Variants in LOC128092252 observed in about 807,000 individuals in gnomAD.
At chr15:50,654,324 G>A in the LOC128092252 span, among the ~76,000 whole-genome samples, 1 of 151,244 alleles carries the variant, frequency 6.6e-6, no homozygotes, top group Non-Finnish European at 1.5e-5. Flanking sequence ...GTGTGCGCCT[G>A]TAATCCCAGC....
chr15:50,667,696 G>A, the LOC128092252 span, among the ~76,000 whole-genome samples: 2,217 of 152,122 alleles, frequency 0.015, 60 homozygotes, highest in African/African-American at 0.051. Flanking sequence ...AACAGAAGGA[G>A]ACTCCATCCC....
chr15:50,686,603 T>G, the LOC128092252 span: 1 of 1,583,726 alleles, frequency 6.3e-7, no homozygotes, highest in Non-Finnish European at 8.6e-7. Flanking sequence ...TGTAGCCATC[T>G]ATCGGGAAGC....
the LOC128092252 span, among the ~76,000 whole-genome samples, chr15:50,650,294 G>T: frequency 0.015 from 2,200 of 151,522 alleles, 58 homozygotes; most frequent in African/African-American, 0.051. Context: ...GCTCATAAAG[G>T]GCAGGGAACA....
At chr15:50,666,826 G>C in the LOC128092252 span, among the ~76,000 whole-genome samples, 7 of 152,088 alleles carry the variant, frequency 4.6e-5, no homozygotes, top group Admixed American at 6.6e-5. Context: ...AGGCGGTGGA[G>C]GTGGCAGCAC....
the LOC128092252 span, among the ~76,000 whole-genome samples, chr15:50,660,154 A>G: frequency 2.0e-5 from 3 of 152,230 alleles, no homozygotes; most frequent in Admixed American, 1.3e-4. Context: ...GTAATAAAAC[A>G]TATCTTTAAC....
chr15:50,680,737 C>CT, the LOC128092252 span, among the ~76,000 whole-genome samples: 1 of 152,006 alleles, frequency 6.6e-6, no homozygotes, highest in Non-Finnish European at 1.5e-5. Flanking sequence ...AAAACCTTAA[C>CT]TTTTTTAACT....
the LOC128092252 span, among the ~76,000 whole-genome samples, chr15:50,653,652 T>C: frequency 6.6e-6 from 1 of 151,986 alleles, no homozygotes; most frequent in African/African-American, 2.4e-5. Flanking sequence ...CAGAAAACAG[T>C]AGACACTGGG....
chr15:50,677,589 AT>A, the LOC128092252 span, among the ~76,000 whole-genome samples: 2 of 151,620 alleles, frequency 1.3e-5, no homozygotes, highest in African/African-American at 4.8e-5. Context: ...AAACACAAAA[AT>A]TAGCCGGGTG....
At chr15:50,669,307 T>C in the LOC128092252 span, among the ~76,000 whole-genome samples, 4 of 151,844 alleles carry the variant, frequency 2.6e-5, no homozygotes, top group South Asian at 8.3e-4. Context: ...TGGTGGTGTG[T>C]GCCTGTAATT....
the LOC128092252 span, among the ~76,000 whole-genome samples, chr15:50,651,170 C>G: frequency 1.3e-5 from 2 of 151,964 alleles, no homozygotes; most frequent in African/African-American, 2.4e-5. Flanking sequence ...CTGGGTGACA[C>G]AGAGAGACCC....
At chr15:50,662,639 A>G in the LOC128092252 span, among the ~76,000 whole-genome samples, 58 of 152,288 alleles carry the variant, frequency 3.8e-4, no homozygotes, top group African/African-American at 1.3e-3. Context: ...TAAGTTCCCA[A>G]TATCAGTGAA....
At chr15:50,686,584 T>C in the LOC128092252 span, 3 of 1,604,790 alleles carry the variant, frequency 1.9e-6, no homozygotes, top group Non-Finnish European at 2.6e-6. Context: ...CTCCTCCTCC[T>C]CCGCGGCCTG....
chr15:50,662,177 C>T, the LOC128092252 span, among the ~76,000 whole-genome samples: 3 of 152,136 alleles, frequency 2.0e-5, no homozygotes, highest in African/African-American at 7.2e-5. Context: ...CATGGTGAAA[C>T]CCCATCTCTA....
At chr15:50,664,751 G>C in the LOC128092252 span, among the ~76,000 whole-genome samples, 2 of 152,242 alleles carry the variant, frequency 1.3e-5, no homozygotes, top group South Asian at 4.1e-4. Context: ...GCTTGAGTCT[G>C]TGAGTTCAAG....
the LOC128092252 span, among the ~76,000 whole-genome samples, chr15:50,654,759 G>A: frequency 1.3e-5 from 2 of 150,842 alleles, no homozygotes; most frequent in African/African-American, 4.8e-5. Context: ...AGCACTTTGG[G>A]ATTACAGGCG....
At chr15:50,650,839 A>G in the LOC128092252 span, among the ~76,000 whole-genome samples, 1 of 152,254 alleles carries the variant, frequency 6.6e-6, no homozygotes, top group Admixed American at 6.5e-5. Context: ...AGTGGAATAC[A>G]ACAAATGCCA....
At chr15:50,673,296 T>C in the LOC128092252 span, among the ~76,000 whole-genome samples, 1 of 152,172 alleles carries the variant, frequency 6.6e-6, no homozygotes, top group Admixed American at 6.6e-5. Context: ...CATAGGTTAT[T>C]GGAAACAGGT....
chr15:50,662,953 A>T, the LOC128092252 span: 1 of 1,596,282 alleles, frequency 6.3e-7, no homozygotes, highest in Non-Finnish European at 8.6e-7. Context: ...CAGAAGTAAC[A>T]AAGGTGTGCT....
At chr15:50,649,894 T>C in the LOC128092252 span, among the ~76,000 whole-genome samples, 3 of 151,884 alleles carry the variant, frequency 2.0e-5, no homozygotes, top group African/African-American at 4.8e-5. Flanking sequence ...TCCTTAAGCA[T>C]GTGGAAGAAT....
Sources: gnomAD v4.1 joint callset for allele counts (sites outside exome capture counted in the v4.1 genomes callset) on GRCh38, gnomAD v4.1.1 for gene constraint, MANE v1.5 for transcripts.